Variants in ETV5 observed in about 807,000 individuals in gnomAD.
ETV5 encodes ETS translocation variant 5.
A neutral mutation model predicts 70.0 loss-of-function variants in ETV5; 10 were observed. The observed-to-expected ratio is 0.14, with a 90% CI of 0.09 to 0.24. The LOEUF (loss-of-function observed/expected upper bound fraction) is 0.24, where lower values mean the gene tolerates loss of function less well. Among genes scored for constraint, ETV5 ranks in the 10% least tolerant of loss-of-function variants. The pLI is 1.00. For synonymous variants in ETV5, 216 were observed against 242.2 expected (o/e 0.89, Z 1.01); for missense variants, 453 against 651.2 (o/e 0.70, Z 3.31).
chr3:186,049,066 C>T (rs1052956363), intron 12 of ETV5, among the ~76,000 whole-genome samples: 9 of 152,178 alleles, frequency 5.9e-5, no homozygotes, highest in Admixed American at 2.0e-4. Flanking sequence ...AAGAAGATAT[C>T]TGAATTTCGA....
At chr3:186,090,985 T>A (rs1261706966) in intron 5 of ETV5, among the ~76,000 whole-genome samples, 3 of 152,158 alleles carry the variant, frequency 2.0e-5, no homozygotes, top group African/African-American at 4.8e-5. Flanking sequence ...TGCCTTTATG[T>A]CTTAGGAACC....
At chr3:186,108,490 G>A (rs1210886521) in intron 1 of ETV5, 1 of 1,283,926 alleles carries the variant, frequency 7.8e-7, no homozygotes, top group Admixed American at 2.3e-5. Flanking sequence ...TGCTCTGGGG[G>A]GCAGCGCCTC....
chr3:186,083,693 G>T (rs1338739953), intron 5 of ETV5, among the ~76,000 whole-genome samples: 2 of 152,130 alleles, frequency 1.3e-5, no homozygotes, highest in Non-Finnish European at 2.9e-5. Context: ...ATACAAAGGG[G>T]GAGTTCAAAA....
intron 8 of ETV5, 124 bp downstream of exon 8, chr3:186,065,689 T>A (rs1387841314): frequency 8.3e-7 from 1 of 1,198,382 alleles, no homozygotes; most frequent in African/African-American, 1.6e-5. Flanking sequence ...GGGCAATTCT[T>A]ATAAAAATTA....
chr3:186,087,151 A>G (rs950095940), intron 5 of ETV5, among the ~76,000 whole-genome samples: 1 of 152,218 alleles, frequency 6.6e-6, no homozygotes, highest in Non-Finnish European at 1.5e-5. Flanking sequence ...ACAAAATCTT[A>G]GCATTACACA....
chr3:186,078,049 A>C, intron 7 of ETV5: 1 of 1,056,444 alleles, frequency 9.5e-7, no homozygotes, highest in Non-Finnish European at 1.1e-6. Context: ...ATAACTCATC[A>C]ATCCCAGGAA....
chr3:186,051,333 C>A (rs2150140805), intron 12 of ETV5, among the ~76,000 whole-genome samples: 1 of 152,206 alleles, frequency 6.6e-6, no homozygotes, highest in East Asian at 1.9e-4. Context: ...AGTATCTGGG[C>A]AACAGTACAT....
intron 7 of ETV5, among the ~76,000 whole-genome samples, chr3:186,067,363 C>T (rs909565979): frequency 1.8e-4 from 28 of 152,284 alleles, no homozygotes; most frequent in Middle Eastern, 6.8e-3. Flanking sequence ...ACCTGGGAGG[C>T]GGAGTTTGCT....
intron 8 of ETV5, chr3:186,064,682 TA>T: frequency 1.8e-6 from 1 of 559,756 alleles, no homozygotes; most frequent in Non-Finnish European, 3.2e-6. Flanking sequence ...CAGGCTCTCC[TA>T]ATCAAGAGTC....
chr3:186,108,722 C>A, intron 1 of ETV5: 1 of 1,097,070 alleles, frequency 9.1e-7, no homozygotes, highest in Non-Finnish European at 1.1e-6. Flanking sequence ...CCCCGCGCTC[C>A]GGAACCGTTA....
chr3:186,080,039 G>A lies in ETV5; in HGVS notation c.428C>T (p.Pro143Leu), dbSNP rs1713894124. 6.5e-7 allele frequency: 1 copy of A among 1,535,920 alleles called. No individual in the cohort carries two copies. The highest frequency in any genetic ancestry group is 8.7e-7 in the Non-Finnish European group (1 of 1,150,552). Residue 143 changes from proline (P) to leucine (L), a missense_variant, in exon 7 of 13, where the codon CCC (proline) becomes CTC (leucine). Pro to Leu is a moderately conservative substitution (Grantham distance 98). Transcript: ENST00000306376. ...PLTPPTTPLS[P>L]THQNPLFPPP... Reference sequence around the variant, plus strand: ...GGGAAATAGGGGATTCTGATGGGTGGGTGAGAGGGGGGTTGTAGGAGGGGT... The same window carrying A: ...GGGAAATAGGGGATTCTGATGGGTGAGTGAGAGGGGGGTTGTAGGAGGGGT...
intron 6 of ETV5, 173 bp downstream of exon 6, chr3:186,080,873 C>T (rs1432093494): frequency 3.1e-5 from 21 of 684,358 alleles, no homozygotes; most frequent in Non-Finnish European, 4.7e-5. Context: ...GTGTGCAGTA[C>T]AATGATCCCA....
intron 12 of ETV5, among the ~76,000 whole-genome samples, chr3:186,049,892 T>G (rs1256246615): frequency 6.6e-6 from 1 of 151,948 alleles, no homozygotes; most frequent in East Asian, 1.9e-4. Flanking sequence ...AAGCTGGGAG[T>G]TGCACGGCTT....
At chr3:186,050,749 A>G (rs895568348) in intron 12 of ETV5, among the ~76,000 whole-genome samples, 1 of 152,164 alleles carries the variant, frequency 6.6e-6, no homozygotes, top group Non-Finnish European at 1.5e-5. Context: ...AGTAACAAGA[A>G]AGGAGTTAAG....
chr3:186,108,628 C>T (rs1714656249), intron 1 of ETV5: 1 of 1,174,458 alleles, frequency 8.5e-7, no homozygotes, highest in African/African-American at 1.6e-5. Flanking sequence ...GAAAGCCTCG[C>T]AACTCCGCGA....
At position 186,052,820 on chromosome 3, in the gene ETV5, T is replaced by C. The variant is rs1401372403; in HGVS notation, c.1210-689A>G. On this transcript the variant is annotated intron_variant, in intron 11 of 12. Coordinates refer to ENST00000306376, the MANE Select transcript of ETV5 (RefSeq NM_004454.3). This position sits in a 1 kb window ranked among gnomAD's most constrained non-coding sequence, Gnocchi z 4.5. ...CACCTGAGGCACACTGATAGGGCAA[T>C]ATAATTGGAGCTCTGGGCAAAGCAG... is the stretch of plus-strand genomic sequence containing the variant. 1.3e-5 allele frequency among the ~76,000 whole-genome samples: 2 copies of C among 152,216 alleles called. No homozygotes were observed. The highest frequency in any genetic ancestry group is 2.9e-5 in the Non-Finnish European group (2 of 68,030).
chr3:186,070,338 C>T (rs534025903), intron 7 of ETV5, among the ~76,000 whole-genome samples: 43 of 152,216 alleles, frequency 2.8e-4, no homozygotes, highest in Non-Finnish European at 5.9e-4. Context: ...GCCTCACTTC[C>T]GCTTAGTGCT....
intron 9 of ETV5, among the ~76,000 whole-genome samples, chr3:186,062,700 CTAAAGAACACA>C (rs1231701520): frequency 1.3e-5 from 2 of 152,084 alleles, no homozygotes; most frequent in East Asian, 3.9e-4. Flanking sequence ...ATTTATGCAT[CTAAAGAACACA>C]TAACAGTGTC....
chr3:186,050,300 A>AT (rs1302150317), intron 12 of ETV5, among the ~76,000 whole-genome samples: 5 of 152,164 alleles, frequency 3.3e-5, no homozygotes, highest in African/African-American at 1.2e-4. Flanking sequence ...TTGCCTACTT[A>AT]TTCTCAGAAA....
Sources: gnomAD v4.1 joint callset for allele counts (sites outside exome capture counted in the v4.1 genomes callset) on GRCh38, gnomAD v4.1.1 for gene constraint, Gnocchi (gnomAD v3.1) non-coding constraint, MANE v1.5 for transcripts, NCBI Gene and HGNC (gene_info 2026-07-23, HGNC 2026-07-21) for gene names.